SLC5A8: variants seen among roughly 807,000 people sequenced by gnomAD.
SLC5A8 encodes the protein solute carrier family 5 member 8, also known as sodium-coupled monocarboxylate transporter 1.
Under a neutral mutation model 71.9 loss-of-function variants are expected in SLC5A8, and 55 were observed. The observed-to-expected ratio is 0.77, with a 90% confidence interval of 0.62 to 0.96. The LOEUF is 0.96. Ranked by LOEUF, SLC5A8 falls within the 40% of genes least tolerant of loss-of-function variation. The pLI, the probability that SLC5A8 is intolerant of heterozygous loss-of-function variation, is 0.00. For synonymous variants in SLC5A8, 307 were observed against 276.1 expected (o/e 1.11, Z -1.11); for missense variants, 701 against 745.3 (o/e 0.94, Z 0.69).
intron 10 of SLC5A8, among the ~76,000 whole-genome samples, chr12:101,168,665 T>A (rs1264179203): frequency 1.3e-5 from 2 of 152,192 alleles, no homozygotes; most frequent in South Asian, 2.1e-4. Flanking sequence ...AGAAATACGA[T>A]TTTAAAAAGA....
intron 1 of SLC5A8, among the ~76,000 whole-genome samples, chr12:101,205,504 T>C (rs762781719): frequency 1.7e-4 from 26 of 152,202 alleles, no homozygotes; most frequent in Non-Finnish European, 3.4e-4. Context: ...TTTCTTTAAC[T>C]TGAATATAAT....
In SLC5A8 at chr12:101,187,505, T is replaced by C. The variant is rs1206266427; in HGVS notation, c.844A>G (p.Ile282Val). 3 of 1,611,558 alleles carry C rather than the reference T, an allele frequency of 1.9e-6. No individual in the cohort carries two copies. Residue 282 changes from isoleucine (I) to valine (V), a missense_variant, in exon 7 of 15, where the codon ATC (isoleucine) becomes GTC (valine). Ile to Val is a conservative substitution (Grantham distance 29). Transcript: ENST00000536262. Reference protein sequence around the residue: ...SRFQAKLSLYINLVGLWAILT... With the variant: ...SRFQAKLSLYVNLVGLWAILT... Reference sequence around the variant, plus strand: ...ATTGCCCAGAGTCCCACAAGATTGATGTAGAGAGACCTAAAGAAGTGAAAA... The same window carrying C: ...ATTGCCCAGAGTCCCACAAGATTGACGTAGAGAGACCTAAAGAAGTGAAAA...
chr12:101,160,948 T>C (rs2137120968), intron 13 of SLC5A8, among the ~76,000 whole-genome samples: 1 of 151,906 alleles, frequency 6.6e-6, no homozygotes, highest in African/African-American at 2.4e-5. Context: ...AAAAAGAAAA[T>C]GTCCAGAACT....
chr12:101,182,405 G>A (rs1566314550), intron 9 of SLC5A8, among the ~76,000 whole-genome samples: 1 of 152,094 alleles, frequency 6.6e-6, no homozygotes, highest in African/African-American at 2.4e-5. Context: ...TGTGGCTCTT[G>A]GTTACAAACT....
intron 3 of SLC5A8, among the ~76,000 whole-genome samples, chr12:101,195,603 T>C (rs1439643371): frequency 2.0e-5 from 3 of 151,768 alleles, no homozygotes; most frequent in African/African-American, 7.3e-5. Context: ...TAGATTCAAA[T>C]GAAGACAACA....
chr12:101,183,400 C>CA (rs1384772550), intron 8 of SLC5A8, among the ~76,000 whole-genome samples: 1 of 151,966 alleles, frequency 6.6e-6, no homozygotes, highest in Non-Finnish European at 1.5e-5. Flanking sequence ...TGTTATCATC[C>CA]AAAAATGATA....
chr12:101,162,663 G>A (rs1240613130), intron 12 of SLC5A8, among the ~76,000 whole-genome samples: 1 of 152,136 alleles, frequency 6.6e-6, no homozygotes, highest in African/African-American at 2.4e-5. Context: ...AATACCACAT[G>A]TTCTCACTTA....
Position 101,190,608 on chromosome 12 carries a change from A to T in SLC5A8, c.693T>A (p.Asn231Lys). ...AYDGGRLNFW[N>K]FNPNPLQRHT... ...GTCTTTGCAAAGGGTTAGGATTAAA[A>T]CTAAATGACAAGAAACAGAAAACAA... Residue 231 changes from asparagine (N) to lysine (K), a missense_variant and splice_region_variant, in exon 6 of 15, where the codon AAT (asparagine) becomes AAA (lysine). Coordinates refer to ENST00000536262, the MANE Select transcript of SLC5A8 (RefSeq NM_145913.5). 6.3e-7 allele frequency: 1 copy of T among 1,594,372 alleles called. No individual in the cohort carries two copies. Among genetic ancestry groups the T allele is most frequent in the Non-Finnish European group, 8.5e-7 (1 of 1,174,328 alleles).
intron 10 of SLC5A8, among the ~76,000 whole-genome samples, chr12:101,172,136 A>C (rs1309458574): frequency 6.6e-6 from 1 of 152,202 alleles, no homozygotes; most frequent in Non-Finnish European, 1.5e-5. Flanking sequence ...GGTGTTGTCC[A>C]TTCCAGATGG....
intron 2 of SLC5A8, 128 bp from the exon 3 acceptor site, chr12:101,202,343 C>G: frequency 2.3e-6 from 2 of 877,704 alleles, no homozygotes; most frequent in Middle Eastern, 3.4e-4. Context: ...TTTCAAAACA[C>G]CTAATAAAAT....
intron 13 of SLC5A8, among the ~76,000 whole-genome samples, chr12:101,158,931 C>T: frequency 7.1e-6 from 1 of 140,632 alleles, no homozygotes; most frequent in African/African-American, 2.7e-5. Flanking sequence ...TCCAAATCCT[C>T]TTCCCTAAGG....
At chr12:101,194,600 G>T (rs1439204563) in intron 4 of SLC5A8, among the ~76,000 whole-genome samples, 1 of 152,054 alleles carries the variant, frequency 6.6e-6, no homozygotes, top group Non-Finnish European at 1.5e-5. Flanking sequence ...TGAGTAGCTG[G>T]GACTACAGGT....
At chr12:101,193,486 T>G in intron 5 of SLC5A8, 139 bp downstream of exon 5, 1 of 955,700 alleles carries the variant, frequency 1.0e-6, no homozygotes, top group South Asian at 1.7e-5. Flanking sequence ...ACGTATTTAC[T>G]TCTCTGCTTC....
chr12:101,165,019 C>T (rs2051756404), intron 12 of SLC5A8, among the ~76,000 whole-genome samples: 1 of 152,140 alleles, frequency 6.6e-6, no homozygotes, highest in Non-Finnish European at 1.5e-5. Flanking sequence ...TTATACTTAG[C>T]ATGCTTACTG....
rs1463130391 is a variant in SLC5A8 at position 101,200,641 on chromosome 12, T to C, written c.469+1523A>G. Among the ~76,000 whole-genome samples, 13 of 152,224 alleles carry C rather than the reference T, an allele frequency of 8.5e-5. No individual in the cohort carries two copies. In the East Asian group the frequency reaches 2.3e-3, roughly 27 times the overall value. ...TATTTTAGGTACAATGATGGTATGA[T>C]TATGGTTTTTAAAGTCTTTATTTCT... On this transcript the variant is annotated intron_variant, in intron 3 of 14. Transcript: ENST00000536262.
intron 12 of SLC5A8, among the ~76,000 whole-genome samples, chr12:101,164,570 G>T (rs1217003634): frequency 6.6e-6 from 1 of 152,152 alleles, no homozygotes; most frequent in Non-Finnish European, 1.5e-5. Context: ...TTCCTAAGAT[G>T]CCCTGATTCT....
rs78434837 is a variant in SLC5A8 at position 101,199,423 on chromosome 12, G to A, written c.469+2741C>T. On this transcript the variant is annotated intron_variant, in intron 3 of 14. Coordinates refer to ENST00000536262, the MANE Select transcript of SLC5A8 (RefSeq NM_145913.5). ...CTAGGTAAATGAATAGATATATCAT[G>A]TAATGTATTAGAAGAATATCTGCTT... 8.5e-5 allele frequency: 13 copies of A among 152,110 alleles called. No homozygotes were observed. In the East Asian group the frequency reaches 2.5e-3, roughly 29 times the overall value. The allele number at this position is 152,110 out of a possible 1,614,324, so 9.4% of individuals were successfully genotyped here.
chr12:101,159,273 T>C (rs1274190687), intron 13 of SLC5A8, among the ~76,000 whole-genome samples: 1 of 152,214 alleles, frequency 6.6e-6, no homozygotes, highest in Non-Finnish European at 1.5e-5. Flanking sequence ...ATAGAATCAA[T>C]TTTAAATGAA....
intron 9 of SLC5A8, among the ~76,000 whole-genome samples, chr12:101,181,541 T>C (rs1431894781): frequency 6.6e-6 from 1 of 152,232 alleles, no homozygotes; most frequent in Non-Finnish European, 1.5e-5. Flanking sequence ...ATATGCATTA[T>C]CTCAAAACCC....
Sources: allele counts gnomAD v4.1 joint callset (sites outside exome capture counted in the v4.1 genomes callset), GRCh38; gene constraint gnomAD v4.1.1; transcripts MANE v1.5; gene names NCBI Gene and HGNC (gene_info 2026-07-23, HGNC 2026-07-21).